RAD21L1: variants seen among roughly 807,000 people sequenced by gnomAD.
The protein encoded by RAD21L1 is RAD21 cohesin complex component like 1, also known as double-strand-break repair protein rad21-like protein 1.
In RAD21L1, 47 loss-of-function variants were observed where a neutral mutation model predicts 69.0. That is an observed-to-expected ratio of 0.68 (90% confidence interval 0.54 to 0.87). The LOEUF (loss-of-function observed/expected upper bound fraction) is 0.87. Ranked by LOEUF, RAD21L1 falls within the 40% of genes least tolerant of loss-of-function variation. The pLI, the probability that RAD21L1 is intolerant of heterozygous loss-of-function variation, is 0.00. For synonymous variants in RAD21L1, 177 were observed against 205.8 expected, an observed-to-expected ratio of 0.86 and a Z score of 1.20; for missense variants, 583 against 647.6, an observed-to-expected ratio of 0.90 and a Z score of 1.08.
intron 4 of RAD21L1, among the ~76,000 whole-genome samples, chr20:1,233,709 C>G (rs531103982): frequency 1.3e-5 from 2 of 152,224 alleles, no homozygotes; most frequent in South Asian, 2.1e-4. Context: ...AGGCACTAAT[C>G]TCATTCATGG....
chr20:1,247,907 C>T (rs754960550), intron 12 of RAD21L1, among the ~76,000 whole-genome samples: 34 of 151,872 alleles, frequency 2.2e-4, no homozygotes, highest in Admixed American at 1.8e-3. Flanking sequence ...CTTTGTAAGC[C>T]TACTCTTTTA....
At chr20:1,236,935 C>T (rs1046993912) in intron 5 of RAD21L1, among the ~76,000 whole-genome samples, 18 of 152,292 alleles carry the variant, frequency 1.2e-4, no homozygotes, top group South Asian at 2.1e-4. Context: ...GATTGACCAA[C>T]GCTGGCTTTT....
chr20:1,243,196 G>A lies in RAD21L1; in HGVS notation c.1183G>A (p.Glu395Lys). The A allele has an allele frequency of 7.1e-7, 1 of 1,406,906 alleles. No individual in the cohort carries two copies. Among genetic ancestry groups the A allele is most frequent in the Non-Finnish European group, 9.6e-7 (1 of 1,036,580 alleles). 87.2% of individuals were successfully genotyped at this position (1,406,906 alleles called of 1,614,324 possible). ...REEVGNQNIV[E>K]TSMMQEPNYQ... ...AGAAGTGGGAAACCAAAATATAGTA[G>A]GTGAGACTTCTTAATTCTGTTGATG... Residue 395 changes from glutamate to lysine, a missense_variant and splice_region_variant, in exon 10 of 14, where the codon GAG (glutamate) becomes AAG (lysine). Physicochemically the swap from Glu to Lys is moderately conservative, Grantham distance 56 (BLOSUM62 1). Transcript: ENST00000683101.
rs2087725323 is a variant in RAD21L1, at chr20:1,246,727, A to G, written c.1401+422A>G. On this transcript the variant is annotated intron_variant, in intron 12 of 13. Transcript: ENST00000683101. The surrounding 1 kb of genome is among the most constrained non-coding windows in gnomAD (Gnocchi z 4.6). ...AATTTTTCCTTTAACATTATGTGGC[A>G]CAAGGCTTGTATCTATACAAGGCTT... is the stretch of plus-strand genomic sequence containing the variant. Among the ~76,000 whole-genome samples the G allele has an allele frequency of 2.0e-5, 3 of 152,150 alleles. No individual in the cohort carries two copies. The highest frequency in any genetic ancestry group is 7.2e-5 in the African/African-American group (3 of 41,450).
chr20:1,242,770 G>A lies in RAD21L1; in HGVS notation c.1008G>A (p.Met336Ile). The change falls in exon 9 of 14, where the codon ATG becomes ATA. Residue 336 changes from methionine (M) to isoleucine (I), a missense_variant. By Grantham distance (10) the Met-to-Ile change is conservative (BLOSUM62 1). Transcript: ENST00000683101. The part of the protein sequence containing the change: ...ELAPPTQRLM[M>I]WKKRGGVHTL... ...CACCTCCTACCCAAAGATTGATGAT[G>A]TGGAAGAAGAGGGGAGGAGTGCATA... 6.4e-7 allele frequency: 1 copy of A among 1,551,606 alleles called. No homozygotes were observed. The highest frequency in any genetic ancestry group is 8.7e-7 in the Non-Finnish European group (1 of 1,146,906).
At chr20:1,248,144 T>G (rs1394111673) in intron 12 of RAD21L1, among the ~76,000 whole-genome samples, 1 of 150,074 alleles carries the variant, frequency 6.7e-6, no homozygotes, top group Non-Finnish European at 1.5e-5. Context: ...ATCTGAAAGA[T>G]TTCTAACCCA....
chr20:1,242,616 T>G lies in RAD21L1; in HGVS notation c.857-3T>G. ...TCACATTTGTGCTATTTCTTATATT[T>G]AGACATTGCTGAGAAAAGGAAAGGC... On this transcript the variant is annotated splice_polypyrimidine_tract_variant and splice_region_variant and intron_variant, in intron 8 of 13. Transcript: ENST00000683101. The G allele has an allele frequency of 6.5e-7, 1 of 1,540,682 alleles. No homozygotes were observed. The highest frequency in any genetic ancestry group is 8.8e-7 in the Non-Finnish European group (1 of 1,137,002).
Position 1,236,581 on chromosome 20 carries a change from C to T in RAD21L1, c.476-1463C>T, listed in dbSNP as rs147460500. Reference sequence around the variant, plus strand: ...TAAATGGGCAGATTTGGGTTTGAATCTGAACTTTCTCTATTGATTTCCTGT... The same window carrying T: ...TAAATGGGCAGATTTGGGTTTGAATTTGAACTTTCTCTATTGATTTCCTGT... On this transcript the variant is annotated intron_variant, in intron 5 of 13. Coordinates refer to ENST00000683101, the MANE Select transcript of RAD21L1 (RefSeq NM_001384355.1). 3.3e-3 allele frequency among the ~76,000 whole-genome samples: 494 copies of T among 150,952 alleles called. 4 individuals are homozygous for T. The highest frequency in any genetic ancestry group is 0.011 in the African/African-American group (438 of 41,500).
At chr20:1,252,736 T>G (rs971345247) in intron 13 of RAD21L1, among the ~76,000 whole-genome samples, 1 of 151,754 alleles carries the variant, frequency 6.6e-6, no homozygotes, top group African/African-American at 2.4e-5. Context: ...TATGACACAC[T>G]GATGTCTCCA....
chr20:1,228,365 A>G (rs1723953671), intron 1 of RAD21L1, 57 bp from the exon 2 acceptor site: 1 of 810,342 alleles, frequency 1.2e-6, no homozygotes, highest in Non-Finnish European at 1.8e-6. Flanking sequence ...TATTTTTCTT[A>G]TAGCAATAAA....
chr20:1,249,125 G>T (rs991534405), intron 13 of RAD21L1, among the ~76,000 whole-genome samples: 1 of 152,064 alleles, frequency 6.6e-6, no homozygotes, highest in Admixed American at 6.6e-5. Context: ...AGACAGAAAG[G>T]CCTTTGTCCT....
At chr20:1,228,722 T>C (rs2087319140) in intron 2 of RAD21L1, 125 bp downstream of exon 2, 1 of 687,772 alleles carries the variant, frequency 1.5e-6, no homozygotes, top group Non-Finnish European at 2.4e-6. Flanking sequence ...GGTCTTTCCT[T>C]TAATTCCTAT....
intron 8 of RAD21L1, among the ~76,000 whole-genome samples, chr20:1,240,746 G>A (rs550669214): frequency 2.5e-4 from 38 of 152,214 alleles, no homozygotes; most frequent in African/African-American, 7.5e-4. Context: ...TGGCAACACC[G>A]GGAATTCACC....
chr20:1,228,978 T>C (rs569727407), intron 2 of RAD21L1, among the ~76,000 whole-genome samples: 1 of 152,344 alleles, frequency 6.6e-6, no homozygotes, highest in South Asian at 2.1e-4. Flanking sequence ...TGTGAAAATG[T>C]GTCATAAACA....
At chr20:1,240,200 T>A in intron 7 of RAD21L1, 121 bp from the exon 8 acceptor site, 1 of 1,386,576 alleles carries the variant, frequency 7.2e-7, no homozygotes. Flanking sequence ...AGAATTCAGA[T>A]GTTCCAGTTA....
intron 12 of RAD21L1, among the ~76,000 whole-genome samples, chr20:1,247,830 T>C (rs551593908): frequency 5.9e-5 from 9 of 152,154 alleles, no homozygotes; most frequent in East Asian, 5.8e-4. Context: ...TTGGGCTGCA[T>C]AGTCAGAATT....
chr20:1,239,405 C>A lies in RAD21L1; in HGVS notation c.740C>A (p.Ala247Glu). ...CCTTCTGAGCCTCCCAATAGTTTAG[C>A]AGGTAGGTTGAAATTTTCCTTTATG... ...SLPSEPPNSL[A>E]VEPDNSECIC... The change falls in exon 7 of 14, where the codon GCA becomes GAA. Residue 247 changes from alanine to glutamate, a missense_variant and splice_region_variant. Physicochemically the swap from Ala to Glu is moderately radical, Grantham distance 107. Coordinates refer to ENST00000683101, the MANE Select transcript of RAD21L1 (RefSeq NM_001384355.1). 1 of 1,531,784 alleles carries A rather than the reference C, an allele frequency of 6.5e-7. No homozygotes were observed. Among genetic ancestry groups the A allele is most frequent in the Admixed American group, 2.0e-5 (1 of 50,532 alleles). The allele number at this position is 1,531,784 out of a possible 1,614,324, so 94.9% of individuals were successfully genotyped here.
At position 1,228,589 on chromosome 20, in the gene RAD21L1, T is replaced by C; in HGVS notation, c.136T>C (p.Ser46Pro). The C allele has an allele frequency of 6.5e-7, 1 of 1,541,300 alleles. No individual in the cohort carries two copies. The change falls in exon 2 of 14, where the codon TCA becomes CCA. Residue 46 changes from serine to proline, a missense_variant. Physicochemically the swap from Ser to Pro is moderately conservative, Grantham distance 74. Coordinates refer to ENST00000683101, the MANE Select transcript of RAD21L1 (RefSeq NM_001384355.1). ...NLEITIEKIL[S>P]PKVKIALRTS... ...AGAGATAACCATTGAAAAAATTCTT[T>C]CACCCAAGGTATGTTACTGATTAAA...
Position 1,246,734 on chromosome 20 carries a change from T to A in RAD21L1, c.1401+429T>A, listed in dbSNP as rs1384809880. Among the ~76,000 whole-genome samples, 3 of 152,164 alleles carry A rather than the reference T, an allele frequency of 2.0e-5. No individual in the cohort carries two copies. The highest frequency in any genetic ancestry group is 4.4e-5 in the Non-Finnish European group (3 of 68,022). ...CCTTTAACATTATGTGGCACAAGGC[T>A]TGTATCTATACAAGGCTTCTGGAAA... On this transcript the variant is annotated intron_variant, in intron 12 of 13. Coordinates refer to ENST00000683101, the MANE Select transcript of RAD21L1 (RefSeq NM_001384355.1). The surrounding 1 kb of genome is among the most constrained non-coding windows in gnomAD (Gnocchi z 4.6).
Sources: allele counts gnomAD v4.1 joint callset (sites outside exome capture counted in the v4.1 genomes callset), GRCh38; gene constraint gnomAD v4.1.1; non-coding constraint Gnocchi (gnomAD v3.1); transcripts MANE v1.5; gene names NCBI Gene and HGNC (gene_info 2026-07-23, HGNC 2026-07-21).